The following ANKFN1 variants were observed in gnomAD, a reference collection of about 807,000 sequenced individuals.
The protein encoded by ANKFN1 is ankyrin repeat and fibronectin type III domain containing 1.
A neutral mutation model predicts 108.7 loss-of-function variants in ANKFN1; 74 were observed. The ratio of observed to expected loss-of-function variants is 0.68; its 90% confidence interval spans 0.56 to 0.83. The LOEUF (loss-of-function observed/expected upper bound fraction) is 0.83. Ranked by LOEUF, ANKFN1 falls within the 40% of genes least tolerant of loss-of-function variation. The pLI is 0.00. For synonymous variants in ANKFN1, 547 were observed against 516.2 expected (o/e 1.06, Z -0.81); for missense variants, 1,505 against 1,382.3 (o/e 1.09, Z -1.41).
At position 56,344,670 on chromosome 17, in the gene ANKFN1, A is replaced by G. The variant is rs993431679; in HGVS notation, c.189-6096A>G. 2.6e-5 allele frequency among the ~76,000 whole-genome samples: 4 copies of G among 151,996 alleles called. No homozygotes were observed. The East Asian group carries it at 5.8e-4, about 22-fold the overall frequency. ...ACTAATCTTTGTTTTTGGAAAGAAA[A>G]AAAAACAACAGAAAAAAAGGCTATT... is the stretch of plus-strand genomic sequence containing the variant. On this transcript the variant is annotated intron_variant, in intron 4 of 20. Transcript: ENST00000682825.
chr17:56,430,276 T>C (rs1338056585), intron 8 of ANKFN1, among the ~76,000 whole-genome samples: 1 of 151,634 alleles, frequency 6.6e-6, no homozygotes, highest in Non-Finnish European at 1.5e-5. Flanking sequence ...GCAGAAAAAA[T>C]AGTGCATGAC....
chr17:56,049,683 T>A (rs1371348820), intron 4 of ANKFN1, among the ~76,000 whole-genome samples: 25 of 150,120 alleles, frequency 1.7e-4, no homozygotes, highest in African/African-American at 6.0e-4. Context: ...AGAATGATGA[T>A]TTCCAATTTC....
At chr17:56,188,581 G>GTGTGTGTGTATATA (rs1212242378) in intron 1 of ANKFN1, among the ~76,000 whole-genome samples, 43 of 49,644 alleles carry the variant, frequency 8.7e-4, no homozygotes, top group East Asian at 3.0e-3. Context: ...GTGTGTGTGT[G>GTGTGTGTGTATATA]TATATATATA....
intron 18 of ANKFN1, chr17:56,482,740 A>G (rs1419410325): frequency 3.5e-5 from 15 of 428,564 alleles, no homozygotes; most frequent in Non-Finnish European, 5.5e-5. Context: ...CAAAGGCCCA[A>G]TGGAGAAGAA....
intron 8 of ANKFN1, among the ~76,000 whole-genome samples, chr17:56,386,210 C>T (rs1160442370): frequency 6.6e-6 from 1 of 151,734 alleles, no homozygotes; most frequent in Non-Finnish European, 1.5e-5. Flanking sequence ...TCTCAGTAAA[C>T]TATCGCAAGG....
chr17:56,239,343 C>G lies in ANKFN1; in HGVS notation c.53+11386C>G, dbSNP rs556605892. On this transcript the variant is annotated intron_variant, in intron 3 of 20. Transcript: ENST00000682825. ...TAGTGAAGTAGAGAAAGGTAGTTCA[C>G]AATAATATGGTGCAATAGTTCAACA... 2.4e-4 allele frequency among the ~76,000 whole-genome samples: 37 copies of G among 151,996 alleles called. 1 individual carries two copies. Among genetic ancestry groups the G allele is most frequent in the African/African-American group, 8.9e-4 (37 of 41,486 alleles).
At chr17:56,505,915 T>C (rs2051541570) in intron 20 of ANKFN1, among the ~76,000 whole-genome samples, 1 of 152,230 alleles carries the variant, frequency 6.6e-6, no homozygotes, top group Non-Finnish European at 1.5e-5. Context: ...TGCTTGACTA[T>C]GGACTGAAAG....
intron 3 of ANKFN1, among the ~76,000 whole-genome samples, chr17:56,303,638 C>G (rs901000623): frequency 6.6e-6 from 1 of 152,132 alleles, no homozygotes; most frequent in African/African-American, 2.4e-5. Flanking sequence ...GCTCTACACA[C>G]ATGCTGTTGA....
At chr17:56,344,425 C>T (rs1389138639) in intron 4 of ANKFN1, among the ~76,000 whole-genome samples, 2 of 151,996 alleles carry the variant, frequency 1.3e-5, no homozygotes, top group African/African-American at 4.8e-5. Context: ...ACCTTCAATA[C>T]TCAGCCAGGC....
At chr17:56,305,547 T>C (rs2044797011) in intron 3 of ANKFN1, among the ~76,000 whole-genome samples, 1 of 152,244 alleles carries the variant, frequency 6.6e-6, no homozygotes, top group Admixed American at 6.5e-5. Context: ...TAGACACTTG[T>C]TCTTTGTCAG....
rs1196857783 is a variant in ANKFN1 at position 56,514,857 on chromosome 17, AG to A, written c.*3590del. On this transcript the variant is annotated 3_prime_UTR_variant, in exon 21 of 21. Coordinates refer to ENST00000682825, the MANE Select transcript of ANKFN1 (RefSeq NM_001370326.1). ...GGCAAACACCTACTGTGTCCTTGCC[AG>A]GAGATCATGCCAGAGAAGTGGAAAA... is the stretch of plus-strand genomic sequence containing the variant. 1.3e-5 allele frequency among the ~76,000 whole-genome samples: 2 copies of A among 152,160 alleles called. No homozygotes were observed. The highest frequency in any genetic ancestry group is 4.8e-5 in the African/African-American group (2 of 41,444).
intron 4 of ANKFN1, among the ~76,000 whole-genome samples, chr17:56,098,415 CAA>C (rs1567786354): frequency 2.8e-5 from 4 of 143,802 alleles, no homozygotes; most frequent in South Asian, 2.1e-4. Flanking sequence ...CACATACACA[CAA>C]ACACACACAC....
At chr17:56,266,501 G>T (rs945527802) in intron 3 of ANKFN1, among the ~76,000 whole-genome samples, 8 of 152,080 alleles carry the variant, frequency 5.3e-5, no homozygotes, top group Non-Finnish European at 1.0e-4. Context: ...GTTTCCACTG[G>T]GTTAACTTGT....
chr17:56,139,870 A>G (rs1012932164), intron 4 of ANKFN1, among the ~76,000 whole-genome samples: 1 of 152,110 alleles, frequency 6.6e-6, no homozygotes, highest in Non-Finnish European at 1.5e-5. Flanking sequence ...ACGTTTCTTC[A>G]TATCCTTTTC....
At chr17:56,158,509 C>G (rs938834364) in intron 1 of ANKFN1, among the ~76,000 whole-genome samples, 1 of 152,182 alleles carries the variant, frequency 6.6e-6, no homozygotes, top group Admixed American at 6.5e-5. Flanking sequence ...TCAGTGCTAG[C>G]AGCCTTCATT....
chr17:56,477,442 G>A (rs79310490), intron 15 of ANKFN1, 46 bp from the exon 16 acceptor site: 86 of 1,488,346 alleles, frequency 5.8e-5, no homozygotes, highest in Non-Finnish European at 7.3e-5. Context: ...ATTGCCCTTC[G>A]AGTTGTTTTC....
chr17:56,132,645 C>G (rs1019144329), intron 4 of ANKFN1, among the ~76,000 whole-genome samples: 4 of 152,082 alleles, frequency 2.6e-5, no homozygotes, highest in Non-Finnish European at 5.9e-5. Flanking sequence ...TTATAAGTAA[C>G]ATAAATTTAT....
At chr17:56,290,411 G>T (rs769824736) in intron 3 of ANKFN1, among the ~76,000 whole-genome samples, 1 of 152,126 alleles carries the variant, frequency 6.6e-6, no homozygotes, top group Non-Finnish European at 1.5e-5. Context: ...GAATTGTAAG[G>T]GTTCTTAAGC....
chr17:56,510,866 G>T lies in ANKFN1; in HGVS notation c.3038G>T (p.Arg1013Leu). ...CACCCCCACTATGGCGGCTTCAGCC[G>T]CCATCATCGCTGGTTGCGCATCCAC... Reference protein sequence around the residue: ...GKHPHYGGFSRHHRWLRIHSE... With the variant: ...GKHPHYGGFSLHHRWLRIHSE... Residue 1013 changes from arginine (R) to leucine (L), a missense_variant, in exon 21 of 21, where the codon CGC becomes CTC. Arg to Leu is a moderately radical substitution (Grantham distance 102). Transcript: ENST00000682825. 6.5e-7 allele frequency: 1 copy of T among 1,536,088 alleles called. No individual in the cohort carries two copies. The highest frequency in any genetic ancestry group is 8.7e-7 in the Non-Finnish European group (1 of 1,146,898).
Sources: allele counts gnomAD v4.1 joint callset (sites outside exome capture counted in the v4.1 genomes callset), GRCh38; gene constraint gnomAD v4.1.1; transcripts MANE v1.5; gene names NCBI Gene and HGNC (gene_info 2026-07-23, HGNC 2026-07-21).